CUBN: variants seen among roughly 807,000 people sequenced by gnomAD.
CUBN encodes the protein 460 kDa receptor.
In CUBN, 282 loss-of-function variants were observed where a neutral mutation model predicts 405.3. That is an observed-to-expected ratio of 0.70 (90% CI 0.63 to 0.77). CUBN has a LOEUF of 0.77. Ranked by LOEUF, CUBN falls within the 30% of genes least tolerant of loss-of-function variation. The pLI is 0.00. For synonymous variants in CUBN, 1,684 were observed against 1,617.0 expected (o/e 1.04, Z -0.99); for missense variants, 4,514 against 4,475.2 (o/e 1.01, Z -0.25).
At chr10:16,946,082 T>C (rs1046955463) in intron 36 of CUBN, among the ~76,000 whole-genome samples, 16 of 152,192 alleles carry the variant, frequency 1.1e-4, no homozygotes, top group Non-Finnish European at 2.2e-4. Flanking sequence ...CAACCATAAG[T>C]TACTTATATT....
At chr10:16,833,797 C>A (rs746196387) in intron 64 of CUBN, among the ~76,000 whole-genome samples, 1 of 152,168 alleles carries the variant, frequency 6.6e-6, no homozygotes, top group African/African-American at 2.4e-5. Context: ...CCGCTGCCTA[C>A]ACCGGTACAT....
intron 40 of CUBN, among the ~76,000 whole-genome samples, chr10:16,931,517 G>C (rs1842365170): frequency 6.6e-6 from 1 of 152,182 alleles, no homozygotes; most frequent in Non-Finnish European, 1.5e-5. Flanking sequence ...AGTTTCTTTA[G>C]CTCTTTCAAG....
chr10:17,090,275 TC>T (rs1836224949), intron 14 of CUBN, among the ~76,000 whole-genome samples: 1 of 152,140 alleles, frequency 6.6e-6, no homozygotes, highest in Non-Finnish European at 1.5e-5. Context: ...TATATTATGC[TC>T]CCTTTTATCT....
At chr10:16,956,450 ATCCT>A (rs1285498219) in intron 31 of CUBN, among the ~76,000 whole-genome samples, 39 of 152,104 alleles carry the variant, frequency 2.6e-4, no homozygotes, top group East Asian at 3.9e-4. Context: ...TCTAGTATGA[ATCCT>A]TCCTTTGAAC....
At chr10:16,836,049 T>C (rs1463509562) in intron 63 of CUBN, among the ~76,000 whole-genome samples, 186 bp downstream of exon 63, 1 of 152,228 alleles carries the variant, frequency 6.6e-6, no homozygotes, top group East Asian at 1.9e-4. Context: ...TCTCTTTATC[T>C]CTTTAGAAAC....
chr10:16,883,601 A>C (rs1840724498), intron 56 of CUBN, among the ~76,000 whole-genome samples: 1 of 152,240 alleles, frequency 6.6e-6, no homozygotes, highest in Admixed American at 6.5e-5. Flanking sequence ...AAAATGTCAA[A>C]AAGAAAAATC....
At chr10:17,023,254 A>G (rs1382787301) in intron 27 of CUBN, among the ~76,000 whole-genome samples, 1 of 107,434 alleles carries the variant, frequency 9.3e-6, no homozygotes, top group Non-Finnish European at 1.9e-5. Flanking sequence ...AATGACAATT[A>G]GTTTCTTTTT....
intron 39 of CUBN, among the ~76,000 whole-genome samples, chr10:16,934,321 T>C (rs1269084772): frequency 6.6e-6 from 1 of 152,226 alleles, no homozygotes; most frequent in East Asian, 1.9e-4. Flanking sequence ...GCAATATATT[T>C]CAGAGATCCA....
intron 14 of CUBN, among the ~76,000 whole-genome samples, chr10:17,099,719 G>A (rs113031348): frequency 2.4e-4 from 37 of 152,108 alleles, no homozygotes; most frequent in African/African-American, 7.2e-4. Context: ...TGGAGTGGTG[G>A]TGCACACCTG....
chr10:16,926,611 G>A (rs1022918317), intron 41 of CUBN, among the ~76,000 whole-genome samples: 2 of 152,036 alleles, frequency 1.3e-5, no homozygotes, highest in African/African-American at 4.8e-5. Context: ...TACATTGTGA[G>A]GGTAGAGCCA....
At chr10:17,096,993 A>T (rs1363838424) in intron 14 of CUBN, among the ~76,000 whole-genome samples, 1 of 152,172 alleles carries the variant, frequency 6.6e-6, no homozygotes, top group Non-Finnish European at 1.5e-5. Context: ...AATTCTAAGA[A>T]GTTCAAACTC....
chr10:17,104,558 A>T lies in CUBN; in HGVS notation c.1278T>A (p.Gly426=). The T allele has an allele frequency of 6.2e-7, 1 of 1,613,920 alleles. No individual in the cohort carries two copies. Among genetic ancestry groups the T allele is most frequent in the African/African-American group, 1.3e-5 (1 of 74,952 alleles). The change falls in exon 12 of 67, where the codon GGT becomes GGA. Residue 426 remains glycine (G), a synonymous_variant. Coordinates refer to ENST00000377833, the MANE Select transcript of CUBN (RefSeq NM_001081.4). ...YFCKCDSGWT[G]VNCTENINEC... ...CATTGATGTTTTCTGTACAGTTGAC[A>T]CCTGTCCAACCTGAGTCACACTTAC...
At chr10:16,869,070 G>C (rs1246149204) in intron 59 of CUBN, among the ~76,000 whole-genome samples, 1 of 151,578 alleles carries the variant, frequency 6.6e-6, no homozygotes, top group East Asian at 1.9e-4. Flanking sequence ...GTCCGTTCAA[G>C]GCTTTGACAC....
rs1300110719 is a variant in CUBN, at chr10:17,087,470, TTC to T, written c.1947+692_1947+693del. Among the ~76,000 whole-genome samples the T allele has an allele frequency of 5.0e-5, 5 of 99,118 alleles. 1 individual carries two copies. Among genetic ancestry groups the T allele is most frequent in the East Asian group, 5.4e-4 (2 of 3,698 alleles). The allele number at this position is 99,118 out of a possible 152,430, so 65.0% of individuals were successfully genotyped here. On this transcript the variant is annotated intron_variant, in intron 15 of 66. Transcript: ENST00000377833. ...AACACAATCACTATTATTTTTCTTT[TTC>T]TTTTTTTTTTTTTTTTTTTTTTAGA... is the stretch of plus-strand genomic sequence containing the variant.
At chr10:17,071,335 T>C (rs1327617060) in intron 19 of CUBN, 91 bp downstream of exon 19, 1 of 1,377,220 alleles carries the variant, frequency 7.3e-7, no homozygotes, top group East Asian at 2.5e-5. Flanking sequence ...TAAACTACTT[T>C]CATTTCCTAT....
At position 17,045,154 on chromosome 10, in the gene CUBN, C is replaced by T. The variant is rs1290126824; in HGVS notation, c.3525G>A (p.Thr1175=). The change falls in exon 25 of 67, where the codon ACG becomes ACA. Residue 1175 remains threonine (T), a synonymous_variant. Transcript: ENST00000377833. ...GCATCGGGTAGTTGGGAGATATGAACGTGCCGCTTGAAGTGGTGAGATTAC... is the reference window on the plus strand; with the variant it reads ...GCATCGGGTAGTTGGGAGATATGAATGTGCCGCTTGAAGTGGTGAGATTAC... ...CGGNLTTSSG[T]FISPNYPMPY... is the part of the protein sequence containing the mutation. The T allele has an allele frequency of 1.9e-6, 3 of 1,613,802 alleles. No individual in the cohort carries two copies. The highest frequency in any genetic ancestry group is 1.3e-5 in the African/African-American group (1 of 74,962).
chr10:16,858,770 A>G (rs1839934739), intron 59 of CUBN, among the ~76,000 whole-genome samples: 1 of 152,268 alleles, frequency 6.6e-6, no homozygotes, highest in Non-Finnish European at 1.5e-5. Context: ...ATTGGTGAGG[A>G]GTTAGACACA....
chr10:17,111,681 T>C (rs940823127), intron 8 of CUBN, among the ~76,000 whole-genome samples: 13 of 152,184 alleles, frequency 8.5e-5, no homozygotes, highest in Non-Finnish European at 1.3e-4. Context: ...CCCAGCACTT[T>C]GGGAGGCCGA....
chr10:16,994,650 C>T (rs1486870678), intron 28 of CUBN, among the ~76,000 whole-genome samples: 5 of 152,164 alleles, frequency 3.3e-5, no homozygotes, highest in Admixed American at 6.5e-5. Context: ...ACATCCTTGT[C>T]GTCATCCGGT....
Sources: gnomAD v4.1 joint callset for allele counts (sites outside exome capture counted in the v4.1 genomes callset) on GRCh38, gnomAD v4.1.1 for gene constraint, MANE v1.5 for transcripts, NCBI Gene and HGNC (gene_info 2026-07-23, HGNC 2026-07-21) for gene names.